The following ASIC2 variants were observed in gnomAD, a reference collection of about 807,000 sequenced individuals.
ASIC2 encodes the protein acid-sensing ion channel 2.
A neutral mutation model predicts 57.3 loss-of-function variants in ASIC2; 25 were observed. The ratio of observed to expected loss-of-function variants is 0.44; its 90% confidence interval spans 0.32 to 0.61. The LOEUF (loss-of-function observed/expected upper bound fraction) is 0.61, where lower values mean the gene tolerates loss of function less well. Ranked by LOEUF, ASIC2 falls within the 20% of genes least tolerant of loss-of-function variation. The pLI, the probability that ASIC2 is intolerant of heterozygous loss-of-function variation, is 0.06. For missense variants in ASIC2, 641 were observed against 738.1 expected, an observed-to-expected ratio of 0.87 and a Z score of 1.52; for synonymous variants, 319 against 307.5, an observed-to-expected ratio of 1.04 and a Z score of -0.39.
chr17:34,110,583 G>C (rs1911234488), intron 1 of ASIC2, among the ~76,000 whole-genome samples: 1 of 152,130 alleles, frequency 6.6e-6, no homozygotes, highest in African/African-American at 2.4e-5. Context: ...CAAGTGCCAG[G>C]CATATGTCAA....
At chr17:34,127,797 T>C (rs963015019) in intron 1 of ASIC2, among the ~76,000 whole-genome samples, 2 of 152,104 alleles carry the variant, frequency 1.3e-5, no homozygotes, top group Non-Finnish European at 2.9e-5. Flanking sequence ...AGGAAAAGAA[T>C]ATGATAAAAG....
chr17:33,516,104 CCAAAACAAAACAAAA>C (rs111917283), intron 1 of ASIC2, among the ~76,000 whole-genome samples: 190 of 144,638 alleles, frequency 1.3e-3, no homozygotes, highest in South Asian at 5.3e-3. Flanking sequence ...GATTCTGTCT[CCAAAACAAAACAAAA>C]CAAAACAAAA....
intron 1 of ASIC2, among the ~76,000 whole-genome samples, chr17:33,389,220 C>G (rs1304605478): frequency 6.6e-6 from 1 of 152,172 alleles, no homozygotes; most frequent in Non-Finnish European, 1.5e-5. Flanking sequence ...CTCAGCCTCT[C>G]AAAGTGCTGG....
At chr17:34,155,587 ACACG>A in intron 1 of ASIC2, 6 of 202,102 alleles carry the variant, frequency 3.0e-5, no homozygotes, top group South Asian at 1.0e-4. Flanking sequence ...ACGCACACGC[ACACG>A]CACACACACA....
intron 1 of ASIC2, among the ~76,000 whole-genome samples, chr17:33,710,717 G>T (rs1288328396): frequency 6.6e-6 from 1 of 152,170 alleles, no homozygotes; most frequent in Non-Finnish European, 1.5e-5. Context: ...AACTGAGGGA[G>T]AAGAAAGGTT....
chr17:33,840,843 T>C (rs908830962), intron 1 of ASIC2, among the ~76,000 whole-genome samples: 3 of 109,524 alleles, frequency 2.7e-5, no homozygotes, highest in African/African-American at 9.8e-5. Context: ...GATTATCTTG[T>C]TGAAATAACA....
intron 1 of ASIC2, among the ~76,000 whole-genome samples, chr17:33,544,682 A>T (rs1451835496): frequency 6.6e-6 from 1 of 152,220 alleles, no homozygotes; most frequent in African/African-American, 2.4e-5. Context: ...AGCATTTCAC[A>T]AATGATGACA....
intron 1 of ASIC2, among the ~76,000 whole-genome samples, chr17:34,080,240 C>G (rs1178551816): frequency 6.6e-6 from 1 of 152,178 alleles, no homozygotes; most frequent in Non-Finnish European, 1.5e-5. Flanking sequence ...ACTCAGATTC[C>G]TCATAACACA....
chr17:33,464,687 CTATATATA>C lies in ASIC2; in HGVS notation c.556-352628_556-352621del, dbSNP rs3057641. ...TCTCTCTCCCTCTCTCTCTCTCTCT[CTATATATA>C]TATATATATGTATATATATGTATAT... On this transcript the variant is annotated intron_variant, in intron 1 of 9. Coordinates refer to the ASIC2 transcript ENST00000359872. Among the ~76,000 whole-genome samples, 8 of 132,640 alleles carry C rather than the reference CTATATATA, an allele frequency of 6.0e-5. No homozygotes were observed. In the Middle Eastern group the frequency reaches 0.011, roughly 184 times the overall value. 87.0% of individuals were successfully genotyped at this position (132,640 alleles called of 152,430 possible).
At chr17:33,790,514 C>G (rs943872977) in intron 1 of ASIC2, among the ~76,000 whole-genome samples, 1 of 152,124 alleles carries the variant, frequency 6.6e-6, no homozygotes, top group African/African-American at 2.4e-5. Context: ...TTTGCAGCCT[C>G]TTGTGATATT....
intron 1 of ASIC2, among the ~76,000 whole-genome samples, chr17:33,734,211 C>T (rs940866392): frequency 6.6e-6 from 1 of 152,032 alleles, no homozygotes; most frequent in Non-Finnish European, 1.5e-5. Flanking sequence ...CCAGCCCTTC[C>T]TCCCATGCTC....
chr17:33,217,874 T>C (rs1184491900), intron 1 of ASIC2, among the ~76,000 whole-genome samples: 1 of 152,214 alleles, frequency 6.6e-6, no homozygotes, highest in Non-Finnish European at 1.5e-5. Flanking sequence ...GCAGTGAGGC[T>C]CTCCCTCTGG....
At chr17:34,032,179 C>T (rs1051291133) in intron 1 of ASIC2, among the ~76,000 whole-genome samples, 2 of 152,180 alleles carry the variant, frequency 1.3e-5, no homozygotes, top group Admixed American at 1.3e-4. Flanking sequence ...AGAAACTCTA[C>T]AAGCCAGAAG....
At chr17:33,426,026 G>C (rs1911208667) in intron 1 of ASIC2, among the ~76,000 whole-genome samples, 1 of 152,170 alleles carries the variant, frequency 6.6e-6, no homozygotes. Flanking sequence ...TGCTCCTCCT[G>C]TGTTCCTCAG....
At chr17:33,358,392 T>C (rs1366658064) in intron 1 of ASIC2, among the ~76,000 whole-genome samples, 1 of 152,194 alleles carries the variant, frequency 6.6e-6, no homozygotes, top group Non-Finnish European at 1.5e-5. Flanking sequence ...TCCTGATGGA[T>C]AGTAATGTGT....
intron 1 of ASIC2, among the ~76,000 whole-genome samples, chr17:34,048,563 G>A (rs1228582586): frequency 6.6e-6 from 1 of 150,466 alleles, no homozygotes; most frequent in Non-Finnish European, 1.5e-5. Context: ...GCAGTAAAGA[G>A]ACTTGAAATC....
chr17:33,450,638 G>A (rs1018920436), intron 1 of ASIC2, among the ~76,000 whole-genome samples: 3 of 152,198 alleles, frequency 2.0e-5, no homozygotes, highest in African/African-American at 4.8e-5. Context: ...AGTTAAATTA[G>A]TTGAGATAGT....
intron 1 of ASIC2, chr17:34,051,855 A>ATACC (rs1161507188): frequency 3.2e-5 from 4 of 123,416 alleles, no homozygotes; most frequent in African/African-American, 1.7e-4. Context: ...ACATACACAC[A>ATACC]CACAGAGAGA....
At position 33,965,339 on chromosome 17, in the gene ASIC2, T is replaced by C. The variant is rs1009826284; in HGVS notation, c.555+190639A>G. 1.1e-3 allele frequency among the ~76,000 whole-genome samples: 160 copies of C among 151,484 alleles called. 1 individual carries two copies. The highest frequency in any genetic ancestry group is 9.3e-4 in the Non-Finnish European group (63 of 68,016). On this transcript the variant is annotated intron_variant, in intron 1 of 9. Coordinates refer to the ASIC2 transcript ENST00000359872. ...TTTATATTCCACTGTGGATTTTTTT[T>C]CTTTTTCTAATTACATAGTATGAAG...
Sources: gnomAD v4.1 joint callset for allele counts (sites outside exome capture counted in the v4.1 genomes callset) on GRCh38, gnomAD v4.1.1 for gene constraint, MANE v1.5 for transcripts, NCBI Gene and HGNC (gene_info 2026-07-23, HGNC 2026-07-21) for gene names.